The following SPECC1L variants were observed in gnomAD, a reference collection of about 807,000 sequenced individuals.
The protein encoded by SPECC1L is sperm antigen with calponin homology and coiled-coil domains 1 like.
SPECC1L carries 40 observed loss-of-function variants against 116.8 expected under a neutral mutation model. That is an observed-to-expected ratio of 0.34 (90% CI 0.27 to 0.45). The LOEUF (loss-of-function observed/expected upper bound fraction) is 0.45, where lower values mean the gene tolerates loss of function less well. Among genes scored for constraint, SPECC1L ranks in the 20% least tolerant of loss-of-function variants. The probability of loss-of-function intolerance (pLI) is 1.00; values close to 1 mark genes in which losing one functional copy is unlikely to be tolerated. For missense variants in SPECC1L, 1,110 were observed against 1,373.6 expected (o/e 0.81, Z 3.03); for synonymous variants, 504 against 500.6 (o/e 1.01, Z -0.09).
rs1223771213 is a variant in SPECC1L, at chr22:24,322,352, C to T, written c.1372C>T (p.His458Tyr). 1.9e-6 allele frequency: 3 copies of T among 1,614,198 alleles called. No individual in the cohort carries two copies. Among genetic ancestry groups the T allele is most frequent in the Admixed American group, 3.3e-5 (2 of 60,028 alleles). ...ATGTCAGCAGAGCGATAAGTTGGAA[C>T]ACTTTAGTCGACAGATTGAATACTT... ...SLCQQSDKLE[H>Y]FSRQIEYFRS... The change falls in exon 5 of 17, where the codon CAC (histidine) becomes TAC (tyrosine). Residue 458 changes from histidine (H) to tyrosine (Y), a missense_variant. By Grantham distance (83) the His-to-Tyr change is moderately conservative. This residue lies in a region of SPECC1L where 575 missense variants were observed against 682.4 expected (regional missense o/e 0.84). Coordinates refer to ENST00000314328, the MANE Select transcript of SPECC1L (RefSeq NM_015330.6).
At chr22:24,299,181 A>G (rs2049326140) in intron 2 of SPECC1L, among the ~76,000 whole-genome samples, 1 of 152,190 alleles carries the variant, frequency 6.6e-6, no homozygotes, top group Non-Finnish European at 1.5e-5. Context: ...TTTTTATATT[A>G]TAGTTGCTGT....
chr22:24,376,954 A>G (rs989725808), intron 14 of SPECC1L, among the ~76,000 whole-genome samples: 1 of 152,016 alleles, frequency 6.6e-6, no homozygotes, highest in Non-Finnish European at 1.5e-5. Context: ...CCATTACCAC[A>G]ACCAGTTTTA....
At chr22:24,365,082 A>G (rs2146630291) in intron 12 of SPECC1L, among the ~76,000 whole-genome samples, 1 of 152,176 alleles carries the variant, frequency 6.6e-6, no homozygotes. Context: ...GTCTTGGCTT[A>G]CTGCAACCTC....
At chr22:24,305,659 CAT>C (rs1428140842) in intron 3 of SPECC1L, among the ~76,000 whole-genome samples, 1 of 152,282 alleles carries the variant, frequency 6.6e-6, no homozygotes, top group East Asian at 1.9e-4. Context: ...TATTAATACA[CAT>C]GTGCACCCAT....
intron 2 of SPECC1L, among the ~76,000 whole-genome samples, chr22:24,288,646 G>T (rs1313732734): frequency 5.7e-4 from 12 of 21,036 alleles, no homozygotes; most frequent in East Asian, 2.3e-3. Flanking sequence ...TTTTTTTTTG[G>T]ACATATCCTT....
chr22:24,336,865 A>C (rs1359336574), intron 9 of SPECC1L, among the ~76,000 whole-genome samples: 1 of 152,172 alleles, frequency 6.6e-6, no homozygotes, highest in Non-Finnish European at 1.5e-5. Flanking sequence ...TTTTGACTTT[A>C]CAGTAGTGCC....
In SPECC1L at chr22:24,322,544, A is replaced by G; in HGVS notation, c.1564A>G (p.Met522Val). The change falls in exon 5 of 17, where the codon ATG (methionine) becomes GTG (valine). Residue 522 changes from methionine to valine, a missense_variant. Coordinates refer to ENST00000314328, the MANE Select transcript of SPECC1L (RefSeq NM_015330.6). ...GCAGCATTTAAGCAATACTTTGAAA[A>G]TGGCAGAACAAGACAATAAGGAAGC... ...VQQHLSNTLK[M>V]AEQDNKEAQE... is the part of the protein sequence containing the mutation. 6.2e-7 allele frequency: 1 copy of G among 1,614,222 alleles called. No homozygotes were observed. The highest frequency in any genetic ancestry group is 8.5e-7 in the Non-Finnish European group (1 of 1,180,026).
At chr22:24,317,276 C>T (rs1450306389) in intron 4 of SPECC1L, among the ~76,000 whole-genome samples, 4 of 120,626 alleles carry the variant, frequency 3.3e-5, no homozygotes, top group Admixed American at 1.7e-4. Flanking sequence ...CCCCCCCCAC[C>T]TCCCTCCCGG....
At chr22:24,286,520 C>T (rs1274163019) in intron 2 of SPECC1L, among the ~76,000 whole-genome samples, 3 of 152,078 alleles carry the variant, frequency 2.0e-5, no homozygotes, top group Non-Finnish European at 2.9e-5. Flanking sequence ...TGGTGTGTTT[C>T]GGCATTTTAA....
rs1569429561 is a variant in SPECC1L at position 24,347,192 on chromosome 22, CA to C, written c.2743+17del. On this transcript the variant is annotated intron_variant, in intron 11 of 16. Transcript: ENST00000314328. ...CCTGTTCAAGGTACGTGTAATATGC[CA>C]TAGCATTTCACCTTTTTTTCAATTT... is the stretch of plus-strand genomic sequence containing the variant. 6.3e-7 allele frequency: 1 copy of C among 1,581,486 alleles called. No homozygotes were observed. Among genetic ancestry groups the C allele is most frequent in the Admixed American group, 1.7e-5 (1 of 59,974 alleles).
At chr22:24,406,982 G>A (rs866970794) in intron 14 of SPECC1L, among the ~76,000 whole-genome samples, 6 of 152,272 alleles carry the variant, frequency 3.9e-5, no homozygotes, top group South Asian at 4.1e-4. Flanking sequence ...CTTTTTCAGA[G>A]CCCGGCTCAT....
chr22:24,395,101 T>G (rs1220062433), intron 14 of SPECC1L, among the ~76,000 whole-genome samples: 1 of 152,160 alleles, frequency 6.6e-6, no homozygotes, highest in Non-Finnish European at 1.5e-5. Context: ...GTACTAAGAT[T>G]ACAGGCATGA....
At chr22:24,411,210 A>C (rs2042690355) in intron 14 of SPECC1L, among the ~76,000 whole-genome samples, 1 of 125,852 alleles carries the variant, frequency 7.9e-6, no homozygotes, top group South Asian at 2.3e-4. Context: ...CAAAAAAAAC[A>C]AAAAACAAAA....
intron 2 of SPECC1L, among the ~76,000 whole-genome samples, chr22:24,280,826 C>A (rs1340039643): frequency 6.6e-6 from 1 of 152,082 alleles, no homozygotes; most frequent in African/African-American, 2.4e-5. Context: ...GGCTCACGCT[C>A]TCCACCCTAC....
intron 9 of SPECC1L, among the ~76,000 whole-genome samples, chr22:24,335,573 C>A (rs2041036806): frequency 6.6e-6 from 1 of 152,152 alleles, no homozygotes; most frequent in South Asian, 2.1e-4. Context: ...TGTAATATGT[C>A]CAGAAGCTCA....
At chr22:24,296,437 T>C (rs1327694878) in intron 2 of SPECC1L, among the ~76,000 whole-genome samples, 1 of 152,244 alleles carries the variant, frequency 6.6e-6, no homozygotes, top group Non-Finnish European at 1.5e-5. Flanking sequence ...TGTTTCAGAT[T>C]ATTCTTAGAA....
At chr22:24,333,689 C>T (rs140094968) in intron 8 of SPECC1L, among the ~76,000 whole-genome samples, 1,803 of 151,318 alleles carry the variant, frequency 0.012, 38 homozygotes, top group African/African-American at 0.042. Flanking sequence ...TAATATTATA[C>T]CAGTATAAAT....
At position 24,321,710 on chromosome 22, in the gene SPECC1L, T is replaced by C; in HGVS notation, c.730T>C (p.Leu244=). The stretch of plus-strand genomic sequence containing the variant: ...GCCGACTGATGTGGAGTCCACTTTA[T>C]TGCAGTTGCAGGAACAGAATACTGC... The part of the protein sequence containing the change: ...HQPTDVESTL[L]QLQEQNTAIR... The change falls in exon 5 of 17, where the codon TTG becomes CTG. Residue 244 remains leucine, a synonymous_variant. Coordinates refer to ENST00000314328, the MANE Select transcript of SPECC1L (RefSeq NM_015330.6). 6.2e-7 allele frequency: 1 copy of C among 1,614,248 alleles called. No individual in the cohort carries two copies. The highest frequency in any genetic ancestry group is 8.5e-7 in the Non-Finnish European group (1 of 1,180,044).
intron 14 of SPECC1L, among the ~76,000 whole-genome samples, chr22:24,379,616 G>T (rs540263566): frequency 1.3e-5 from 2 of 152,204 alleles, no homozygotes; most frequent in East Asian, 3.9e-4. Flanking sequence ...GATATAGGAT[G>T]GTTAATCATA....
Sources: allele counts gnomAD v4.1 joint callset (sites outside exome capture counted in the v4.1 genomes callset), GRCh38; gene constraint gnomAD v4.1.1; regional missense constraint gnomAD v4.1.1; transcripts MANE v1.5; gene names NCBI Gene and HGNC (gene_info 2026-07-23, HGNC 2026-07-21).